CDKAL1: variants seen among roughly 807,000 people sequenced by gnomAD.
CDKAL1 encodes the protein CDKAL1 threonylcarbamoyladenosine tRNA methylthiotransferase.
In CDKAL1, 32 loss-of-function variants were observed where a neutral mutation model predicts 68.2. The ratio of observed to expected loss-of-function variants is 0.47; its 90% CI spans 0.35 to 0.63. The LOEUF (loss-of-function observed/expected upper bound fraction) is 0.63. CDKAL1 is among the 30% of genes least tolerant of loss of function. The probability of loss-of-function intolerance (pLI) is 0.00; values close to 1 mark genes in which losing one functional copy is unlikely to be tolerated. For synonymous variants in CDKAL1, 234 were observed against 244.3 expected, an observed-to-expected ratio of 0.96 and a Z score of 0.39; for missense variants, 606 against 696.7, an observed-to-expected ratio of 0.87 and a Z score of 1.47.
chr6:20,614,832 G>T (rs924661672), intron 4 of CDKAL1, among the ~76,000 whole-genome samples: 78 of 151,822 alleles, frequency 5.1e-4, no homozygotes, highest in African/African-American at 1.8e-3. Flanking sequence ...ACATTGTGCA[G>T]GTTAGTTACA....
At chr6:21,227,993 G>T (rs976620400) in intron 15 of CDKAL1, among the ~76,000 whole-genome samples, 5 of 152,146 alleles carry the variant, frequency 3.3e-5, no homozygotes, top group African/African-American at 1.2e-4. Flanking sequence ...CCAACTAAAT[G>T]CTTAAGATTT....
chr6:20,719,757 A>C (rs1772258662), intron 5 of CDKAL1, among the ~76,000 whole-genome samples: 1 of 152,134 alleles, frequency 6.6e-6, no homozygotes. Flanking sequence ...ATTGCCAGCC[A>C]CTCTGGAAAA....
chr6:20,535,571 A>G (rs1404946890), intron 2 of CDKAL1, among the ~76,000 whole-genome samples, 177 bp downstream of exon 2: 1 of 151,970 alleles, frequency 6.6e-6, no homozygotes, highest in Non-Finnish European at 1.5e-5. Flanking sequence ...TTAACCTTTC[A>G]TTTTCATTCA....
intron 9 of CDKAL1, among the ~76,000 whole-genome samples, chr6:20,853,573 A>T (rs148898665): frequency 2.6e-5 from 4 of 152,294 alleles, no homozygotes; most frequent in Non-Finnish European, 5.9e-5. Flanking sequence ...TTTAACCTTT[A>T]AGAACTAATA....
intron 9 of CDKAL1, among the ~76,000 whole-genome samples, chr6:20,858,334 T>A (rs879234443): frequency 6.6e-6 from 1 of 151,270 alleles, no homozygotes; most frequent in African/African-American, 2.4e-5. Flanking sequence ...CTTTTTTTTT[T>A]CCTGTTTATG....
chr6:20,985,574 C>T (rs1028676549), intron 10 of CDKAL1, among the ~76,000 whole-genome samples: 22 of 152,296 alleles, frequency 1.4e-4, no homozygotes, highest in Admixed American at 2.6e-4. Context: ...TGATTATAGG[C>T]GTGGGCCACT....
intron 12 of CDKAL1, among the ~76,000 whole-genome samples, chr6:21,066,092 A>G (rs1771424085): frequency 6.6e-6 from 1 of 152,084 alleles, no homozygotes; most frequent in Non-Finnish European, 1.5e-5. Flanking sequence ...GAAATAATCC[A>G]GAGCTTGTTA....
chr6:20,851,071 AGT>A, intron 9 of CDKAL1, among the ~76,000 whole-genome samples: 1 of 149,916 alleles, frequency 6.7e-6, no homozygotes, highest in South Asian at 2.1e-4. Flanking sequence ...TTACCTTCTC[AGT>A]GTGTGTTTTA....
intron 8 of CDKAL1, among the ~76,000 whole-genome samples, chr6:20,804,050 A>C (rs902948791): frequency 6.6e-6 from 1 of 152,160 alleles, no homozygotes; most frequent in Non-Finnish European, 1.5e-5. Context: ...TATATATTTA[A>C]TTATTTTCTC....
intron 6 of CDKAL1, among the ~76,000 whole-genome samples, chr6:20,747,869 G>T (rs1030179597): frequency 1.3e-5 from 2 of 151,976 alleles, no homozygotes; most frequent in African/African-American, 4.8e-5. Flanking sequence ...GCTTTTTGTT[G>T]CCTGAGCTTT....
intron 11 of CDKAL1, among the ~76,000 whole-genome samples, chr6:21,027,287 C>A (rs1211613095): frequency 1.3e-5 from 2 of 152,098 alleles, no homozygotes; most frequent in African/African-American, 4.8e-5. Context: ...TATAATACTC[C>A]AACTTTACCT....
chr6:21,143,328 T>G (rs1435621687), intron 13 of CDKAL1, among the ~76,000 whole-genome samples: 1 of 152,206 alleles, frequency 6.6e-6, no homozygotes, highest in Admixed American at 6.5e-5. Context: ...TCTGTAGGTT[T>G]TTTTTCTTTT....
chr6:20,904,637 A>G (rs1762152215), intron 9 of CDKAL1, among the ~76,000 whole-genome samples: 1 of 152,064 alleles, frequency 6.6e-6, no homozygotes, highest in African/African-American at 2.4e-5. Flanking sequence ...TAAAAATACA[A>G]AATTAGACAG....
intron 3 of CDKAL1, among the ~76,000 whole-genome samples, chr6:20,548,187 G>A (rs1449686435): frequency 6.6e-6 from 1 of 152,076 alleles, no homozygotes; most frequent in African/African-American, 2.4e-5. Flanking sequence ...TAGTGAGTTT[G>A]TTTTTTGTGT....
chr6:20,820,148 A>C (rs566357872), intron 8 of CDKAL1, among the ~76,000 whole-genome samples: 31 of 152,284 alleles, frequency 2.0e-4, no homozygotes, highest in African/African-American at 7.2e-4. Context: ...CATGGGCCTC[A>C]AAGTATGTAG....
chr6:20,644,459 C>T (rs1425242788), intron 4 of CDKAL1, among the ~76,000 whole-genome samples: 3 of 152,042 alleles, frequency 2.0e-5, no homozygotes, highest in African/African-American at 4.8e-5. Flanking sequence ...GGGCGGATCA[C>T]GAGATCAGGA....
intron 8 of CDKAL1, among the ~76,000 whole-genome samples, chr6:20,812,937 G>A (rs1273801899): frequency 3.9e-5 from 6 of 152,102 alleles, no homozygotes; most frequent in African/African-American, 1.2e-4. Context: ...ATTTACACTA[G>A]CAGTTTTTGA....
At chr6:20,639,952 A>G (rs1172234716) in intron 4 of CDKAL1, among the ~76,000 whole-genome samples, 1 of 152,230 alleles carries the variant, frequency 6.6e-6, no homozygotes, top group African/African-American at 2.4e-5. Flanking sequence ...TACAGGCGCG[A>G]GCCACCGCGC....
intron 5 of CDKAL1, among the ~76,000 whole-genome samples, chr6:20,686,689 C>T (rs1051796105): frequency 1.9e-4 from 29 of 152,110 alleles, no homozygotes; most frequent in African/African-American, 5.6e-4. Flanking sequence ...CGTGCCAAAA[C>T]GGTTGGGGGC....
Sources: gnomAD v4.1 joint callset for allele counts (sites outside exome capture counted in the v4.1 genomes callset) on GRCh38, gnomAD v4.1.1 for gene constraint, MANE v1.5 for transcripts, NCBI Gene and HGNC (gene_info 2026-07-23, HGNC 2026-07-21) for gene names.